ADARB2: variants seen among roughly 807,000 people sequenced by gnomAD.
ADARB2 encodes the protein inactive double-stranded RNA-specific editase B2.
Under a neutral mutation model 62.2 loss-of-function variants are expected in ADARB2, and 25 were observed. The ratio of observed to expected loss-of-function variants is 0.40; its 90% CI spans 0.29 to 0.56. The LOEUF (loss-of-function observed/expected upper bound fraction) is 0.56, where lower values mean the gene tolerates loss of function less well. Ranked by LOEUF, ADARB2 falls within the 20% of genes least tolerant of loss-of-function variation. The pLI, the probability that ADARB2 is intolerant of heterozygous loss-of-function variation, is 0.43. For synonymous variants in ADARB2, 572 were observed against 500.8 expected (o/e 1.14, Z -1.90); for missense variants, 1,071 against 1,077.4 (o/e 0.99, Z 0.08).
chr10:1,249,327 G>A (rs979755357), intron 4 of ADARB2, among the ~76,000 whole-genome samples: 15 of 151,976 alleles, frequency 9.9e-5, no homozygotes, highest in East Asian at 1.9e-4. Context: ...CTGTAGTCCC[G>A]GGTACTTGAG....
At chr10:1,405,332 G>C (rs140853659) in intron 1 of ADARB2, among the ~76,000 whole-genome samples, 1 of 152,288 alleles carries the variant, frequency 6.6e-6, no homozygotes, top group African/African-American at 2.4e-5. Flanking sequence ...CCAATCTTGA[G>C]CTTCAATTTG....
At chr10:1,229,728 T>A (rs375281555) in intron 6 of ADARB2, among the ~76,000 whole-genome samples, 1 of 21,636 alleles carries the variant, frequency 4.6e-5, no homozygotes, top group Non-Finnish European at 1.1e-4. Context: ...ATGTGTGCAC[T>A]TGTGCTTGTT....
chr10:1,358,608 A>C (rs952566788), intron 3 of ADARB2, among the ~76,000 whole-genome samples: 1 of 149,802 alleles, frequency 6.7e-6, no homozygotes, highest in African/African-American at 2.5e-5. Context: ...AATAATTCTT[A>C]CAAGGCTGTG....
chr10:1,230,251 G>T (rs1000147277), intron 6 of ADARB2, among the ~76,000 whole-genome samples: 5 of 152,170 alleles, frequency 3.3e-5, no homozygotes, highest in African/African-American at 1.2e-4. Context: ...TGGGAATGTG[G>T]TCCTCTGAAT....
In ADARB2 at chr10:1,726,629, G is replaced by A. The variant is rs1402267293; in HGVS notation, c.100+10422C>T. 7.2e-5 allele frequency among the ~76,000 whole-genome samples: 11 copies of A among 152,290 alleles called. 1 individual carries two copies. In the East Asian group the frequency reaches 2.1e-3, roughly 29 times the overall value. On this transcript the variant is annotated intron_variant, in intron 1 of 9. Coordinates refer to ENST00000381312, the MANE Select transcript of ADARB2 (RefSeq NM_018702.4). ...TGCTCTGTTGAGAGTCAGAGTCCTC[G>A]GTTTCCCCAGCTGCCTGGATTTTTC...
chr10:1,272,519 C>T (rs2131799785), intron 3 of ADARB2, among the ~76,000 whole-genome samples: 1 of 152,350 alleles, frequency 6.6e-6, no homozygotes, highest in East Asian at 1.9e-4. Context: ...AGTGCAGGGC[C>T]CGGCGCAGTC....
At chr10:1,335,289 T>G (rs2805559) in intron 3 of ADARB2, among the ~76,000 whole-genome samples, 28,599 of 85,270 alleles carry the variant, frequency 0.34, 5,042 homozygotes, top group African/African-American at 0.62. Context: ...AATGGAGGAA[T>G]GGATGGAGGG....
intron 4 of ADARB2, among the ~76,000 whole-genome samples, chr10:1,262,894 A>G (rs1244214696): frequency 6.6e-6 from 1 of 152,140 alleles, no homozygotes; most frequent in Non-Finnish European, 1.5e-5. Flanking sequence ...ATGTCCAACA[A>G]TGATAGACTG....
chr10:1,527,102 A>C (rs1333365378), intron 1 of ADARB2, among the ~76,000 whole-genome samples: 3 of 152,152 alleles, frequency 2.0e-5, no homozygotes, highest in African/African-American at 7.2e-5. Context: ...TTAACCCAGA[A>C]ACTGGTCAGG....
chr10:1,663,777 G>A (rs988691111), intron 1 of ADARB2, among the ~76,000 whole-genome samples: 1 of 152,056 alleles, frequency 6.6e-6, no homozygotes, highest in Non-Finnish European at 1.5e-5. Context: ...ATGCTACCAT[G>A]CCTGGCTAAT....
chr10:1,395,603 T>A, intron 1 of ADARB2, among the ~76,000 whole-genome samples: 1 of 152,160 alleles, frequency 6.6e-6, no homozygotes, highest in East Asian at 1.9e-4. Flanking sequence ...CGCCTCCAGG[T>A]TCCAGTGCAG....
chr10:1,432,532 G>T (rs560867686), intron 1 of ADARB2, among the ~76,000 whole-genome samples: 2 of 149,686 alleles, frequency 1.3e-5, no homozygotes, highest in African/African-American at 2.5e-5. Context: ...TTTCATGAGG[G>T]TATTTTAATC....
intron 3 of ADARB2, among the ~76,000 whole-genome samples, chr10:1,360,032 C>T (rs1425573833): frequency 5.3e-5 from 8 of 152,254 alleles, no homozygotes; most frequent in Admixed American, 1.3e-4. Context: ...ACTGAGCAGA[C>T]GTGCAGCATC....
chr10:1,677,386 G>A (rs1344335304), intron 1 of ADARB2, among the ~76,000 whole-genome samples: 1 of 152,218 alleles, frequency 6.6e-6, no homozygotes, highest in Non-Finnish European at 1.5e-5. Context: ...GATAGAACAT[G>A]CTGGTACTGG....
chr10:1,644,032 G>A (rs1040644962), intron 1 of ADARB2, among the ~76,000 whole-genome samples: 2 of 152,190 alleles, frequency 1.3e-5, no homozygotes, highest in African/African-American at 2.4e-5. Context: ...TCGGCCCAAG[G>A]TAAATAAAAC....
intron 1 of ADARB2, among the ~76,000 whole-genome samples, chr10:1,732,159 C>T (rs1354966939): frequency 6.6e-6 from 1 of 151,772 alleles, no homozygotes; most frequent in Non-Finnish European, 1.5e-5. Flanking sequence ...AATGTTTCAG[C>T]TGCTTTTACC....
chr10:1,485,510 T>G (rs1831528695), intron 1 of ADARB2, among the ~76,000 whole-genome samples: 1 of 152,034 alleles, frequency 6.6e-6, no homozygotes, highest in African/African-American at 2.4e-5. Flanking sequence ...CATCAACAAC[T>G]CTCACCCGCC....
rs772811327 is a variant in ADARB2 at position 1,271,777 on chromosome 10, T to C, written c.1078-708A>G. ...GTGGCCGCCCTTTCCCCGGCTCCTC[T>C]GGGCCCAAGGCTGCAGCACTGCCCT... On this transcript the variant is annotated intron_variant, in intron 3 of 9. Coordinates refer to ENST00000381312, the MANE Select transcript of ADARB2 (RefSeq NM_018702.4). Among the ~76,000 whole-genome samples, 71 of 152,166 alleles carry C rather than the reference T, an allele frequency of 4.7e-4. 1 individual carries two copies. The highest frequency in any genetic ancestry group is 2.1e-4 in the Non-Finnish European group (14 of 68,036).
chr10:1,634,631 T>A (rs1833891576), intron 1 of ADARB2, among the ~76,000 whole-genome samples: 1 of 152,206 alleles, frequency 6.6e-6, no homozygotes. Context: ...CTGCACTGAA[T>A]TCATGTTTAT....
Sources: allele counts gnomAD v4.1 joint callset (sites outside exome capture counted in the v4.1 genomes callset), GRCh38; gene constraint gnomAD v4.1.1; transcripts MANE v1.5; gene names NCBI Gene and HGNC (gene_info 2026-07-23, HGNC 2026-07-21).